Variants in ADAM32 observed in about 807,000 individuals in gnomAD.
ADAM32 encodes ADAM metallopeptidase domain 32.
Under a neutral mutation model 114.9 loss-of-function variants are expected in ADAM32, and 89 were observed. That is an observed-to-expected ratio of 0.77 (90% CI 0.65 to 0.92). The LOEUF (loss-of-function observed/expected upper bound fraction) is 0.92. Ranked by LOEUF, ADAM32 falls within the 40% of genes least tolerant of loss-of-function variation. ADAM32 has a pLI of 0.00. For synonymous variants in ADAM32, 285 were observed against 307.5 expected (o/e 0.93, Z 0.77); for missense variants, 870 against 932.8 (o/e 0.93, Z 0.88).
intron 2 of ADAM32, among the ~76,000 whole-genome samples, chr8:39,127,766 T>A (rs1376992175): frequency 6.6e-6 from 1 of 152,192 alleles, no homozygotes; most frequent in African/African-American, 2.4e-5. Context: ...TTTGTTGTGA[T>A]GTTAGGTTGT....
chr8:39,225,222 T>C lies in ADAM32; in HGVS notation c.1525+1984T>C, dbSNP rs531041964. Among the ~76,000 whole-genome samples the C allele has an allele frequency of 3.6e-4, 55 of 152,276 alleles. 1 individual carries two copies. In the South Asian group the frequency reaches 0.011, roughly 30 times the overall value. ...TGCACTGTGTGCACTCATACGTCAG[T>C]CTCAGAGACAGTGCAGCTATGTGTG... is the stretch of plus-strand genomic sequence containing the variant. On this transcript the variant is annotated intron_variant, in intron 14 of 24. Coordinates refer to ENST00000379907, the MANE Select transcript of ADAM32 (RefSeq NM_145004.7).
At chr8:39,154,824 G>A (rs1310304732) in intron 6 of ADAM32, among the ~76,000 whole-genome samples, 1 of 150,960 alleles carries the variant, frequency 6.6e-6, no homozygotes, top group Non-Finnish European at 1.5e-5. Flanking sequence ...TATGTTTGTT[G>A]GTTGCATAAA....
intron 11 of ADAM32, among the ~76,000 whole-genome samples, chr8:39,194,397 G>A (rs1806816097): frequency 6.6e-6 from 1 of 152,154 alleles, no homozygotes; most frequent in African/African-American, 2.4e-5. Flanking sequence ...TGGCAGCAGT[G>A]TTTTGGCAGG....
intron 23 of ADAM32, among the ~76,000 whole-genome samples, chr8:39,282,759 A>G (rs996052759): frequency 2.6e-5 from 4 of 152,170 alleles, no homozygotes; most frequent in African/African-American, 9.7e-5. Context: ...AACATAATGA[A>G]ACAATATATT....
At chr8:39,194,182 G>A (rs1031153188) in intron 11 of ADAM32, among the ~76,000 whole-genome samples, 28 of 152,184 alleles carry the variant, frequency 1.8e-4, no homozygotes, top group Admixed American at 3.9e-4. Flanking sequence ...GGGCACTGGT[G>A]GGTGCAGGAC....
intron 1 of ADAM32, among the ~76,000 whole-genome samples, chr8:39,110,642 C>T (rs1840119090): frequency 6.6e-6 from 1 of 152,202 alleles, no homozygotes. Flanking sequence ...GTGGCTGTAC[C>T]ATTTGCATTC....
intron 10 of ADAM32, among the ~76,000 whole-genome samples, chr8:39,184,990 G>A (rs1000279143): frequency 3.3e-5 from 5 of 152,150 alleles, no homozygotes; most frequent in Admixed American, 6.6e-5. Context: ...GGGGCTGGGC[G>A]TGGTGGCTCA....
At chr8:39,109,597 C>T (rs1290290852) in intron 1 of ADAM32, among the ~76,000 whole-genome samples, 1 of 151,894 alleles carries the variant, frequency 6.6e-6, no homozygotes, top group African/African-American at 2.4e-5. Context: ...TTTTAGAGTA[C>T]GTTTAGGTTC....
intron 16 of ADAM32, among the ~76,000 whole-genome samples, 181 bp from the exon 17 acceptor site, chr8:39,245,884 TAAAATGCAAATAAATCAC>T (rs1295422105): frequency 6.6e-6 from 1 of 152,314 alleles, no homozygotes; most frequent in East Asian, 1.9e-4. Context: ...AATATCAATT[TAAAATGCAAATAAATCAC>T]AAATGTCTTT....
chr8:39,199,766 C>A (rs1338560275), intron 11 of ADAM32, among the ~76,000 whole-genome samples: 2 of 151,116 alleles, frequency 1.3e-5, no homozygotes, highest in Non-Finnish European at 2.9e-5. Flanking sequence ...TGCTATCCCC[C>A]CCACCACCCC....
chr8:39,138,653 T>C (rs947628904), intron 3 of ADAM32, among the ~76,000 whole-genome samples: 10 of 152,234 alleles, frequency 6.6e-5, no homozygotes, highest in Non-Finnish European at 1.3e-4. Flanking sequence ...TGTGTCTTTA[T>C]AGTAGCATGA....
chr8:39,107,911 T>C, intron 1 of ADAM32, 78 bp downstream of exon 1: 1 of 1,438,220 alleles, frequency 7.0e-7, no homozygotes, highest in Non-Finnish European at 9.1e-7. Context: ...CCCGGGGCCC[T>C]CCCTGTCTGG....
intron 10 of ADAM32, among the ~76,000 whole-genome samples, chr8:39,180,887 G>A (rs987887443): frequency 1.3e-5 from 2 of 152,188 alleles, no homozygotes; most frequent in Non-Finnish European, 2.9e-5. Context: ...GTTTGTGAGT[G>A]CACCAATCGA....
At chr8:39,157,080 G>GT (rs34833672) in intron 6 of ADAM32, among the ~76,000 whole-genome samples, 3 of 152,060 alleles carry the variant, frequency 2.0e-5, no homozygotes, top group African/African-American at 7.2e-5. Flanking sequence ...TTGTTTGACA[G>GT]TTTTTTTCCC....
chr8:39,205,721 T>A (rs988506436), intron 11 of ADAM32, among the ~76,000 whole-genome samples: 2 of 152,236 alleles, frequency 1.3e-5, no homozygotes, highest in African/African-American at 4.8e-5. Context: ...GCTCAGGCTG[T>A]GAGCTGTAGA....
intron 14 of ADAM32, among the ~76,000 whole-genome samples, chr8:39,224,527 A>G (rs1022029540): frequency 6.6e-6 from 1 of 152,034 alleles, no homozygotes; most frequent in Non-Finnish European, 1.5e-5. Flanking sequence ...ATCTTTTCAT[A>G]TATGTCTTGA....
At chr8:39,124,440 CG>C (rs1564441451) in intron 2 of ADAM32, among the ~76,000 whole-genome samples, 2 of 145,230 alleles carry the variant, frequency 1.4e-5, no homozygotes, top group East Asian at 4.0e-4. Flanking sequence ...ATTTTTGAGA[CG>C]GAGTCTTGCT....
At chr8:39,228,217 A>G (rs1015519153) in intron 14 of ADAM32, among the ~76,000 whole-genome samples, 3 of 152,214 alleles carry the variant, frequency 2.0e-5, no homozygotes, top group Non-Finnish European at 4.4e-5. Flanking sequence ...GACAGAGGCT[A>G]CTCAAATGAG....
intron 11 of ADAM32, among the ~76,000 whole-genome samples, chr8:39,194,447 C>T (rs1419174253): frequency 6.6e-6 from 1 of 152,082 alleles, no homozygotes; most frequent in Non-Finnish European, 1.5e-5. Flanking sequence ...CAAGGTTCTC[C>T]TGCACACACA....
Sources: allele counts gnomAD v4.1 joint callset (sites outside exome capture counted in the v4.1 genomes callset), GRCh38; gene constraint gnomAD v4.1.1; transcripts MANE v1.5; gene names NCBI Gene and HGNC (gene_info 2026-07-23, HGNC 2026-07-21).